FBXO4: variants seen among roughly 807,000 people sequenced by gnomAD.
FBXO4 encodes the protein F-box only protein 4.
A neutral mutation model predicts 43.7 loss-of-function variants in FBXO4; 36 were observed. The observed-to-expected ratio is 0.82, with a 90% CI of 0.63 to 1.09. The LOEUF (loss-of-function observed/expected upper bound fraction) is 1.09, where lower values mean the gene tolerates loss of function less well. Ranked by LOEUF, FBXO4 falls within the 50% of genes least tolerant of loss-of-function variation. The pLI is 0.00. For synonymous variants in FBXO4, 180 were observed against 165.6 expected (o/e 1.09, Z -0.67); for missense variants, 435 against 474.1 (o/e 0.92, Z 0.77).
chr5:42,000,581 T>A, the FBXO4 span, among the ~76,000 whole-genome samples: 1 of 152,218 alleles, frequency 6.6e-6, no homozygotes, highest in African/African-American at 2.4e-5. Context: ...ATAAGATTTT[T>A]AGTTTGATGC....
chr5:41,956,491 G>A, the FBXO4 span, among the ~76,000 whole-genome samples: 1 of 152,120 alleles, frequency 6.6e-6, no homozygotes, highest in African/African-American at 2.4e-5. Flanking sequence ...AGGTCTGCTG[G>A]AGATGAAGTA....
intron 5 of FBXO4, chr5:41,934,878 G>A (rs1751809123): frequency 3.0e-6 from 3 of 986,616 alleles, no homozygotes; most frequent in African/African-American, 3.5e-5. Flanking sequence ...TGGGCCATGA[G>A]CTAGTATTAT....
chr5:42,037,832 T>A, the FBXO4 span, among the ~76,000 whole-genome samples: 1 of 152,058 alleles, frequency 6.6e-6, no homozygotes, highest in South Asian at 2.1e-4. Context: ...AAATCCACAA[T>A]CCCCTTAGAA....
chr5:41,934,758 G>A (rs1751806171), intron 5 of FBXO4: 3 of 1,019,062 alleles, frequency 2.9e-6, no homozygotes, highest in Non-Finnish European at 3.5e-6. Flanking sequence ...TATCCAAATA[G>A]TAAAGAGATG....
chr5:41,964,834 G>A, the FBXO4 span, among the ~76,000 whole-genome samples: 1 of 152,038 alleles, frequency 6.6e-6, no homozygotes, highest in African/African-American at 2.4e-5. Context: ...TCTGTAGGTT[G>A]CCTGTGCACT....
At chr5:42,022,354 C>T in the FBXO4 span, among the ~76,000 whole-genome samples, 1 of 152,070 alleles carries the variant, frequency 6.6e-6, no homozygotes, top group East Asian at 1.9e-4. Context: ...TTGTAAGTGC[C>T]CAGCCAGTGG....
the FBXO4 span, among the ~76,000 whole-genome samples, chr5:41,962,931 G>C: frequency 3.9e-5 from 6 of 152,100 alleles, no homozygotes; most frequent in Non-Finnish European, 7.4e-5. Flanking sequence ...CACCAAAAAT[G>C]ACAGAAACTG....
At chr5:42,005,032 AG>A in the FBXO4 span, among the ~76,000 whole-genome samples, 1 of 152,108 alleles carries the variant, frequency 6.6e-6, no homozygotes, top group Admixed American at 6.6e-5. Flanking sequence ...AACTTGCTGC[AG>A]GGGGGTGGGT....
intron 1 of FBXO4, 84 bp downstream of exon 1, chr5:41,925,582 G>T: frequency 9.3e-7 from 1 of 1,077,710 alleles, no homozygotes; most frequent in Non-Finnish European, 1.2e-6. Context: ...GGGGCCTGGG[G>T]AACTCTCGCG....
chr5:41,959,576 G>A, the FBXO4 span, among the ~76,000 whole-genome samples: 1 of 151,960 alleles, frequency 6.6e-6, no homozygotes, highest in African/African-American at 2.4e-5. Context: ...TGAGACGATG[G>A]TCTATTTTCA....
the FBXO4 span, among the ~76,000 whole-genome samples, chr5:41,999,703 G>A: frequency 2.6e-5 from 4 of 151,050 alleles, no homozygotes; most frequent in Admixed American, 2.7e-4. Flanking sequence ...TTAGAGGGCA[G>A]GAAGCATCCA....
At chr5:41,981,887 T>G in the FBXO4 span, among the ~76,000 whole-genome samples, 11 of 151,084 alleles carry the variant, frequency 7.3e-5, no homozygotes, top group Non-Finnish European at 1.5e-4. Flanking sequence ...CTCCTAATGC[T>G]ATCCCTCCCC....
Position 41,941,175 on chromosome 5 carries a change from C to G in FBXO4, c.1075-17C>G. On this transcript the variant is annotated splice_polypyrimidine_tract_variant and intron_variant, in intron 6 of 6. Coordinates refer to ENST00000281623, the MANE Select transcript of FBXO4 (RefSeq NM_012176.3). ...CTTAGTTTCTTACTAACAACATTCT[C>G]TCTTATGTATTCCGAGGTCCAGGAT... 1.9e-6 allele frequency: 3 copies of G among 1,606,804 alleles called. No individual in the cohort carries two copies. The highest frequency in any genetic ancestry group is 1.7e-6 in the Non-Finnish European group (2 of 1,173,764).
the FBXO4 span, among the ~76,000 whole-genome samples, chr5:41,998,962 C>A: frequency 6.6e-6 from 1 of 152,002 alleles, no homozygotes; most frequent in Non-Finnish European, 1.5e-5. Flanking sequence ...TCATCACTTT[C>A]TCCACTGAAC....
At chr5:42,006,887 G>GATATATATAT in the FBXO4 span, among the ~76,000 whole-genome samples, 2,684 of 78,950 alleles carry the variant, frequency 0.034, 149 homozygotes, top group Middle Eastern at 0.057. Context: ...GGTTCATGCT[G>GATATATATAT]ATATATATAT....
At chr5:41,998,374 C>T in the FBXO4 span, among the ~76,000 whole-genome samples, 1 of 152,284 alleles carries the variant, frequency 6.6e-6, no homozygotes, top group East Asian at 1.9e-4. Context: ...TCTCCTGAAC[C>T]CTCCCAGCGG....
the FBXO4 span, among the ~76,000 whole-genome samples, chr5:42,021,853 A>C: frequency 6.6e-6 from 1 of 152,178 alleles, no homozygotes; most frequent in Non-Finnish European, 1.5e-5. Flanking sequence ...CAGAGAAAGA[A>C]TAAAAGCATG....
the FBXO4 span, chr5:41,967,716 A>G: frequency 2.4e-5 from 15 of 624,096 alleles, no homozygotes; most frequent in South Asian, 2.2e-4. Context: ...CATTAATTAC[A>G]TGAAAGCCAT....
chr5:41,945,780 C>A (rs961951135), downstream of FBXO4, among the ~76,000 whole-genome samples: 10 of 152,114 alleles, frequency 6.6e-5, no homozygotes, highest in African/African-American at 9.7e-5. Flanking sequence ...AGGCATACTC[C>A]CTTCTGAAAA....
Sources: allele counts gnomAD v4.1 joint callset (sites outside exome capture counted in the v4.1 genomes callset), GRCh38; gene constraint gnomAD v4.1.1; transcripts MANE v1.5; gene names NCBI Gene and HGNC (gene_info 2026-07-23, HGNC 2026-07-21).